SLC24A2: variants seen among roughly 807,000 people sequenced by gnomAD.
The protein encoded by SLC24A2 is sodium/potassium/calcium exchanger 2.
In SLC24A2, 36 loss-of-function variants were observed where a neutral mutation model predicts 62.0. The observed-to-expected ratio is 0.58, with a 90% confidence interval of 0.44 to 0.77. The LOEUF is 0.77. Among genes scored for constraint, SLC24A2 ranks in the 30% least tolerant of loss-of-function variants. The pLI is 0.00. For synonymous variants in SLC24A2, 358 were observed against 294.0 expected, an observed-to-expected ratio of 1.22 and a Z score of -2.23; for missense variants, 846 against 817.9, an observed-to-expected ratio of 1.03 and a Z score of -0.42.
At chr9:19,970,190 G>A in the SLC24A2 span, among the ~76,000 whole-genome samples, 3 of 152,186 alleles carry the variant, frequency 2.0e-5, no homozygotes, top group African/African-American at 7.2e-5. Context: ...CAAGGTGAAT[G>A]AGGAGGTTCT....
At chr9:19,953,969 T>TA in the SLC24A2 span, among the ~76,000 whole-genome samples, 583 of 144,292 alleles carry the variant, frequency 4.0e-3, 15 homozygotes, top group Middle Eastern at 0.014. Flanking sequence ...TACTTTTTCC[T>TA]AAAAAAAAAA....
At chr9:19,812,784 T>G in the SLC24A2 span, among the ~76,000 whole-genome samples, 1 of 228 alleles carries the variant, frequency 4.4e-3, no homozygotes, top group African/African-American at 4.6e-3. Context: ...GTATTCACCA[T>G]TTTTTTTTGA....
the SLC24A2 span, among the ~76,000 whole-genome samples, chr9:19,821,937 AG>A: frequency 1.7e-4 from 26 of 152,298 alleles, no homozygotes; most frequent in South Asian, 4.1e-3. Context: ...TAATAAAAAA[AG>A]AATGTGATAT....
At chr9:19,705,270 T>A (rs1427481801) in intron 2 of SLC24A2, 1 of 152,576 alleles carries the variant, frequency 6.6e-6, no homozygotes, top group Non-Finnish European at 1.5e-5. Flanking sequence ...AAAAGTTGAC[T>A]GATTGGGAAC....
At chr9:20,110,612 GT>G in the SLC24A2 span, among the ~76,000 whole-genome samples, 1 of 151,988 alleles carries the variant, frequency 6.6e-6, no homozygotes, top group Non-Finnish European at 1.5e-5. Context: ...CCCAGAGTCA[GT>G]AAAAGTGTGG....
chr9:20,020,125 A>C, the SLC24A2 span, among the ~76,000 whole-genome samples: 2 of 152,360 alleles, frequency 1.3e-5, no homozygotes, highest in African/African-American at 4.8e-5. Flanking sequence ...TGTTGGTGGC[A>C]GTGTAAATTA....
intron 2 of SLC24A2, among the ~76,000 whole-genome samples, chr9:19,740,162 T>A (rs2224486): frequency 6.6e-6 from 1 of 151,304 alleles, no homozygotes; most frequent in Admixed American, 6.6e-5. Flanking sequence ...TTTGAAAAAT[T>A]CTTAGGCAGT....
chr9:19,800,708 AATTT>A, the SLC24A2 span, among the ~76,000 whole-genome samples: 5 of 152,150 alleles, frequency 3.3e-5, no homozygotes, highest in Non-Finnish European at 5.9e-5. Flanking sequence ...TATGAATCAT[AATTT>A]ATTTAGCAAT....
At position 19,773,230 on chromosome 9, in the gene SLC24A2, A is replaced by G. The variant is rs12237484; in HGVS notation, c.930+12707T>C. On this transcript the variant is annotated intron_variant, in intron 2 of 10. Transcript: ENST00000341998. ...GGTGATTAAAATGTTCTAAAATTAG[A>G]TAGTGATGATGGTTGTGTGACTCTG... Among the ~76,000 whole-genome samples the G allele has an allele frequency of 5.0e-3, 757 of 152,320 alleles. 14 individuals are homozygous for G. Among genetic ancestry groups the G allele is most frequent in the South Asian group, 0.035 (171 of 4,830 alleles).
intron 2 of SLC24A2, among the ~76,000 whole-genome samples, chr9:19,640,532 T>C (rs912483807): frequency 6.6e-6 from 1 of 152,108 alleles, no homozygotes; most frequent in Non-Finnish European, 1.5e-5. Flanking sequence ...ATGAGATGAA[T>C]GTCTCACTTT....
the SLC24A2 span, among the ~76,000 whole-genome samples, chr9:20,071,779 C>A: frequency 6.6e-6 from 1 of 152,086 alleles, no homozygotes; most frequent in Admixed American, 6.6e-5. Flanking sequence ...CAGCTGGTGT[C>A]TGCTGCAGTC....
At chr9:19,970,887 C>T in the SLC24A2 span, among the ~76,000 whole-genome samples, 1 of 152,086 alleles carries the variant, frequency 6.6e-6, no homozygotes, top group African/African-American at 2.4e-5. Context: ...AGTGGTTTTT[C>T]TGATATGATT....
chr9:20,230,535 T>C, the SLC24A2 span, among the ~76,000 whole-genome samples: 6 of 152,368 alleles, frequency 3.9e-5, no homozygotes, highest in East Asian at 3.9e-4. Flanking sequence ...ATGTCTTCTT[T>C]TGAGTAGTGT....
Position 19,525,391 on chromosome 9 carries a change from CTTTTTTTTTTTT to C in SLC24A2, c.1569+2646_1569+2657del, listed in dbSNP as rs572919824. On this transcript the variant is annotated intron_variant, in intron 9 of 10. Coordinates refer to ENST00000341998, the MANE Select transcript of SLC24A2 (RefSeq NM_020344.4). ...AAGGTTTTTTTTTCCTATTTCTTTA[CTTTTTTTTTTTT>C]TTTTTTTTTTTTTTTTAAAAGACAG... 1.1e-3 allele frequency among the ~76,000 whole-genome samples: 83 copies of C among 76,380 alleles called. 1 individual carries two copies. The highest frequency in any genetic ancestry group is 1.6e-3 in the Non-Finnish European group (67 of 42,694). 50.1% of individuals were successfully genotyped at this position (76,380 alleles called of 152,430 possible).
chr9:20,258,920 G>A, the SLC24A2 span, among the ~76,000 whole-genome samples: 1 of 151,550 alleles, frequency 6.6e-6, no homozygotes, highest in East Asian at 1.9e-4. Flanking sequence ...GTGTCTCTCT[G>A]GAAAGCCCTA....
At chr9:20,293,080 C>A in the SLC24A2 span, among the ~76,000 whole-genome samples, 1 of 152,234 alleles carries the variant, frequency 6.6e-6, no homozygotes, top group Non-Finnish European at 1.5e-5. Context: ...CATGGCATTT[C>A]CCCTGTGTGT....
chr9:19,771,892 T>C (rs1327409), intron 2 of SLC24A2, among the ~76,000 whole-genome samples: 99,640 of 151,910 alleles, frequency 0.66, 33,262 homozygotes, highest in Admixed American at 0.72. Context: ...TCCTAGGGCA[T>C]GGAATGGGAG....
chr9:19,901,865 G>C, the SLC24A2 span, among the ~76,000 whole-genome samples: 1 of 152,132 alleles, frequency 6.6e-6, no homozygotes, highest in African/African-American at 2.4e-5. Context: ...TGGGAGGGGG[G>C]ACTGAGGTGG....
chr9:19,923,251 C>T, the SLC24A2 span, among the ~76,000 whole-genome samples: 3 of 152,158 alleles, frequency 2.0e-5, no homozygotes, highest in African/African-American at 7.2e-5. Flanking sequence ...ACTTACCATA[C>T]TTTCCTGCAT....
Sources: gnomAD v4.1 joint callset for allele counts (sites outside exome capture counted in the v4.1 genomes callset) on GRCh38, gnomAD v4.1.1 for gene constraint, MANE v1.5 for transcripts, NCBI Gene and HGNC (gene_info 2026-07-23, HGNC 2026-07-21) for gene names.